Variants in SIPA1L2 observed in about 807,000 individuals in gnomAD.
SIPA1L2 encodes signal induced proliferation associated 1 like 2.
Under a neutral mutation model 163.9 loss-of-function variants are expected in SIPA1L2, and 56 were observed. The ratio of observed to expected loss-of-function variants is 0.34; its 90% CI spans 0.28 to 0.43. The LOEUF (loss-of-function observed/expected upper bound fraction) is 0.43, where lower values mean the gene tolerates loss of function less well. Ranked by LOEUF, SIPA1L2 falls within the 20% of genes least tolerant of loss-of-function variation. SIPA1L2 has a pLI of 1.00. For synonymous variants in SIPA1L2, 877 were observed against 865.7 expected (o/e 1.01, Z -0.23); for missense variants, 1,974 against 2,193.5 (o/e 0.90, Z 2.00).
In SIPA1L2 at chr1:232,425,553, C is replaced by A; in HGVS notation, c.4630+36G>T. On this transcript the variant is annotated intron_variant, in intron 18 of 22. Coordinates refer to ENST00000674635, the MANE Select transcript of SIPA1L2 (RefSeq NM_020808.5). ...AGGAGTTGTGCGATCAGCCCACCCT[C>A]GGCGCTGGCCAGGGAGCAGCCAGCC... is the stretch of plus-strand genomic sequence containing the variant. 3 of 1,494,214 alleles carry A rather than the reference C, an allele frequency of 2.0e-6. No homozygotes were observed. In the South Asian group the frequency reaches 3.8e-5, roughly 19 times the overall value. The allele number at this position is 1,494,214 out of a possible 1,614,324, so 92.6% of individuals were successfully genotyped here.
At chr1:232,624,039 CATA>C (rs1251818649) in intron 1 of SIPA1L2, among the ~76,000 whole-genome samples, 1 of 151,790 alleles carries the variant, frequency 6.6e-6, no homozygotes, top group Non-Finnish European at 1.5e-5. Flanking sequence ...GTTTTATGTC[CATA>C]ATATCTTAGC....
chr1:232,568,579 A>C (rs551912500), intron 2 of SIPA1L2, among the ~76,000 whole-genome samples: 2 of 152,306 alleles, frequency 1.3e-5, no homozygotes, highest in South Asian at 2.1e-4. Flanking sequence ...TGGGAAGAGG[A>C]GGCTAAGGAA....
intron 2 of SIPA1L2, among the ~76,000 whole-genome samples, chr1:232,526,704 T>G (rs1297735764): frequency 6.6e-6 from 1 of 152,140 alleles, no homozygotes; most frequent in Non-Finnish European, 1.5e-5. Context: ...CTGCCCTGAG[T>G]TGATAACCCT....
At chr1:232,618,317 G>T (rs889265554) in intron 1 of SIPA1L2, among the ~76,000 whole-genome samples, 1 of 152,136 alleles carries the variant, frequency 6.6e-6, no homozygotes, top group African/African-American at 2.4e-5. Context: ...CAGGCGAGGC[G>T]AGCTCTTTTT....
chr1:232,493,006 G>A (rs544931195), intron 4 of SIPA1L2, among the ~76,000 whole-genome samples: 1 of 151,950 alleles, frequency 6.6e-6, no homozygotes, highest in African/African-American at 2.4e-5. Context: ...TGTCAAATTG[G>A]AGAAGAGGCC....
At chr1:232,606,608 A>C (rs1008374959) in intron 1 of SIPA1L2, among the ~76,000 whole-genome samples, 69 of 149,434 alleles carry the variant, frequency 4.6e-4, no homozygotes, top group African/African-American at 1.6e-3. Flanking sequence ...TTACCAATGA[A>C]TTATATTATT....
chr1:232,565,211 G>C (rs1659335601), intron 2 of SIPA1L2, among the ~76,000 whole-genome samples: 1 of 152,214 alleles, frequency 6.6e-6, no homozygotes, highest in Non-Finnish European at 1.5e-5. Context: ...GAAGTAACTT[G>C]CCCAATGTCA....
chr1:232,406,800 A>G (rs137945385), intron 19 of SIPA1L2, among the ~76,000 whole-genome samples: 13 of 152,342 alleles, frequency 8.5e-5, no homozygotes, highest in Admixed American at 8.5e-4. Context: ...TGCCCCAGAT[A>G]CATGCCAGAT....
chr1:232,610,112 T>C (rs1662165520), intron 1 of SIPA1L2, among the ~76,000 whole-genome samples: 1 of 152,224 alleles, frequency 6.6e-6, no homozygotes, highest in Non-Finnish European at 1.5e-5. Context: ...ATTGTGATTA[T>C]ATTTAAAGAA....
rs186904670 is a variant in SIPA1L2, at chr1:232,426,370, G to A, written c.4411-562C>T. Among the ~76,000 whole-genome samples, 167 of 152,292 alleles carry A rather than the reference G, an allele frequency of 1.1e-3. 3 individuals carry two copies. The highest frequency in any genetic ancestry group is 9.2e-3 in the Admixed American group (140 of 15,300). On this transcript the variant is annotated intron_variant, in intron 17 of 22. Transcript: ENST00000674635. ...AAAGTCTTACTGTCCACTTAAAAGT[G>A]TCACTTGTGGCCGGGCACAGTGGCT... is the stretch of plus-strand genomic sequence containing the variant.
At chr1:232,451,648 C>G (rs971190011) in intron 10 of SIPA1L2, among the ~76,000 whole-genome samples, 2 of 152,132 alleles carry the variant, frequency 1.3e-5, no homozygotes, top group Non-Finnish European at 2.9e-5. Flanking sequence ...GGCTTCCTCT[C>G]GATATACCAA....
At chr1:232,460,784 C>T in intron 10 of SIPA1L2, 103 bp downstream of exon 10, 2 of 1,387,794 alleles carry the variant, frequency 1.4e-6, no homozygotes, top group Non-Finnish European at 2.0e-6. Context: ...TACAAAGACA[C>T]ACTTGACTGC....
intron 1 of SIPA1L2, among the ~76,000 whole-genome samples, chr1:232,607,406 A>G (rs1199970991): frequency 6.6e-6 from 1 of 152,124 alleles, no homozygotes; most frequent in Non-Finnish European, 1.5e-5. Flanking sequence ...CTTACTATCA[A>G]ATTTTTTCCA....
At chr1:232,486,768 C>A (rs564783260) in intron 5 of SIPA1L2, among the ~76,000 whole-genome samples, 2 of 152,286 alleles carry the variant, frequency 1.3e-5, no homozygotes, top group South Asian at 4.1e-4. Flanking sequence ...ATCTCTCTCA[C>A]CAGAGTCTCT....
At chr1:232,494,976 A>C (rs1378995694) in intron 3 of SIPA1L2, among the ~76,000 whole-genome samples, 1 of 152,190 alleles carries the variant, frequency 6.6e-6, no homozygotes, top group Non-Finnish European at 1.5e-5. Flanking sequence ...TGCAAACTTG[A>C]AGGAAACCTA....
chr1:232,624,061 G>C (rs2102894201), intron 1 of SIPA1L2, among the ~76,000 whole-genome samples: 1 of 152,118 alleles, frequency 6.6e-6, no homozygotes, highest in African/African-American at 2.4e-5. Context: ...GCACAGTAAA[G>C]TATATGTTTA....
chr1:232,609,137 A>G (rs1662113063), intron 1 of SIPA1L2, among the ~76,000 whole-genome samples: 1 of 152,208 alleles, frequency 6.6e-6, no homozygotes, highest in Admixed American at 6.5e-5. Context: ...TTGTATGGTG[A>G]GTCACATGAC....
chr1:232,441,110 G>A (rs1290746387), intron 14 of SIPA1L2, among the ~76,000 whole-genome samples, 181 bp downstream of exon 14: 1 of 152,202 alleles, frequency 6.6e-6, no homozygotes, highest in Non-Finnish European at 1.5e-5. Context: ...AATTTGCTGT[G>A]CAACCTTTCT....
At chr1:232,542,757 C>G (rs777616649) in intron 2 of SIPA1L2, among the ~76,000 whole-genome samples, 1 of 152,320 alleles carries the variant, frequency 6.6e-6, no homozygotes, top group Middle Eastern at 3.4e-3. Flanking sequence ...TTTGCAGTTA[C>G]GCGATCTCAT....
Sources: gnomAD v4.1 joint callset for allele counts (sites outside exome capture counted in the v4.1 genomes callset) on GRCh38, gnomAD v4.1.1 for gene constraint, MANE v1.5 for transcripts, NCBI Gene and HGNC (gene_info 2026-07-23, HGNC 2026-07-21) for gene names.